Variants in MTOR observed in about 807,000 individuals in gnomAD.
MTOR encodes the protein mechanistic target of rapamycin kinase.
A neutral mutation model predicts 319.8 loss-of-function variants in MTOR; 70 were observed. The observed-to-expected ratio is 0.22, with a 90% confidence interval of 0.18 to 0.27. MTOR has a LOEUF of 0.27. Among genes scored for constraint, MTOR ranks in the 10% least tolerant of loss-of-function variants. The probability of loss-of-function intolerance (pLI) is 1.00; values close to 1 mark genes in which losing one functional copy is unlikely to be tolerated. For missense variants in MTOR, 1,890 were observed against 3,274.4 expected, an observed-to-expected ratio of 0.58 and a Z score of 10.32; for synonymous variants, 1,183 against 1,211.4, an observed-to-expected ratio of 0.98 and a Z score of 0.49.
chr1:11,140,359 C>A (rs111320347), intron 34 of MTOR, among the ~76,000 whole-genome samples: 8,900 of 151,990 alleles, frequency 0.059, 371 homozygotes, highest in South Asian at 0.12. Flanking sequence ...GCATTAGATT[C>A]TCATAAGGAG....
chr1:11,257,165 G>C lies in MTOR; in HGVS notation c.272C>G (p.Ala91Gly). ...CCCACCTTCCACTCCTATGAGGCTA[G>C]CTGCAAAAGAGAGGAAGGCAAAAGG... ...NERKGGILAIASLIGVEGGNA... is the reference protein window; with the variant it reads ...NERKGGILAIGSLIGVEGGNA... The change falls in exon 4 of 58, where the codon GCT becomes GGT. Residue 91 changes from alanine (A) to glycine (G), a missense_variant and splice_region_variant. Around this residue, in one of 15 missense-constraint regions of MTOR, gnomAD observed 81 missense variants for 203.6 expected, o/e 0.40. Coordinates refer to ENST00000361445, the MANE Select transcript of MTOR (RefSeq NM_004958.4). 1 of 1,611,070 alleles carries C rather than the reference G, an allele frequency of 6.2e-7. No individual in the cohort carries two copies. The highest frequency in any genetic ancestry group is 1.1e-5 in the South Asian group (1 of 90,522).
In MTOR at chr1:11,109,221, A is replaced by G. The variant is rs2100285558; in HGVS notation, c.7528+69T>C. The G allele has an allele frequency of 7.0e-7, 1 of 1,438,788 alleles. No individual in the cohort carries two copies. Among genetic ancestry groups the G allele is most frequent in the Non-Finnish European group, 9.7e-7 (1 of 1,031,858 alleles). 89.1% of individuals were successfully genotyped at this position (1,438,788 alleles called of 1,614,324 possible). ...ACTAACACCACTGGACATGGGGCTG[A>G]CCACCACTCAGAGAGGAAAGTGTGC... On this transcript the variant is annotated intron_variant, in intron 56 of 57. Transcript: ENST00000361445. This position sits in a 1 kb window ranked among gnomAD's most constrained non-coding sequence, Gnocchi z 4.0.
chr1:11,110,880 G>C (rs749365373), intron 54 of MTOR, among the ~76,000 whole-genome samples: 24 of 152,104 alleles, frequency 1.6e-4, no homozygotes, highest in Non-Finnish European at 3.1e-4. Flanking sequence ...CCACCATCTG[G>C]TGCCAGCAGA....
At chr1:11,249,142 T>C (rs1417676602) in intron 6 of MTOR, among the ~76,000 whole-genome samples, 1 of 151,892 alleles carries the variant, frequency 6.6e-6, no homozygotes, top group Admixed American at 6.6e-5. Flanking sequence ...GAGAATTGCT[T>C]GAACCCAGGA....
At chr1:11,239,719 AC>A (rs899940026) in intron 11 of MTOR, among the ~76,000 whole-genome samples, 6 of 152,252 alleles carry the variant, frequency 3.9e-5, no homozygotes, top group Middle Eastern at 3.4e-3. Flanking sequence ...AACCTGGCCA[AC>A]ATGGTGAAAC....
rs750342062 is a variant in MTOR, at chr1:11,127,182, G to A, written c.6217-38C>T. ...GCAGGCACGTTTTCAAGTTATCAAA[G>A]TCTCAACCAACCCAGGAGGCAAAAT... On this transcript the variant is annotated intron_variant, in intron 44 of 57. Coordinates refer to ENST00000361445, the MANE Select transcript of MTOR (RefSeq NM_004958.4). This position sits in a 1 kb window ranked among gnomAD's most constrained non-coding sequence, Gnocchi z 5.5. 11 of 1,611,788 alleles carry A rather than the reference G, an allele frequency of 6.8e-6. No individual in the cohort carries two copies. Among genetic ancestry groups the A allele is most frequent in the Middle Eastern group, 1.9e-4 (1 of 5,200 alleles).
Position 11,115,619 on chromosome 1 carries a change from T to A in MTOR, c.7017-151A>T. On this transcript the variant is annotated intron_variant, in intron 50 of 57. Transcript: ENST00000361445. This position sits in a 1 kb window ranked among gnomAD's most constrained non-coding sequence, Gnocchi z 4.5. ...ACCTCCACTTCTGCAAGTCCAGTTT[T>A]ACTGGAACACACAGCACGCTCCCTT... is the stretch of plus-strand genomic sequence containing the variant. The A allele has an allele frequency of 1.5e-6, 1 of 682,970 alleles. No homozygotes were observed. 42.3% of individuals were successfully genotyped at this position (682,970 alleles called of 1,614,324 possible). A position where few individuals can be genotyped will look rare whatever the true frequency, so the allele number is the denominator to read the frequency against.
At chr1:11,125,939 G>T (rs1642809113) in intron 46 of MTOR, among the ~76,000 whole-genome samples, 1 of 151,064 alleles carries the variant, frequency 6.6e-6, no homozygotes, top group South Asian at 2.1e-4. Context: ...TACGCGGGAG[G>T]CTGAGACAGG....
chr1:11,134,513 C>G (rs767119675), intron 36 of MTOR, 47 bp from the exon 37 acceptor site: 4 of 1,554,896 alleles, frequency 2.6e-6, no homozygotes, highest in Admixed American at 1.7e-5. Flanking sequence ...TGTGGCCCAG[C>G]TTCAGAGGAA....
chr1:11,147,237 C>T (rs1643961857), intron 31 of MTOR, among the ~76,000 whole-genome samples: 1 of 152,196 alleles, frequency 6.6e-6, no homozygotes, highest in Admixed American at 6.5e-5. Flanking sequence ...AGCCATTACA[C>T]AGATGATAGG....
At chr1:11,208,894 C>T (rs933509533) in intron 25 of MTOR, among the ~76,000 whole-genome samples, 1 of 152,136 alleles carries the variant, frequency 6.6e-6, no homozygotes. Context: ...AATCAGACTG[C>T]CAACAACAGA....
At chr1:11,210,774 GAC>G in intron 24 of MTOR, 38 bp downstream of exon 24, 1 of 1,422,936 alleles carries the variant, frequency 7.0e-7, no homozygotes. Flanking sequence ...AAGTAGTAAA[GAC>G]AACAGGGACT....
chr1:11,139,698 T>TA, intron 34 of MTOR, 40 bp from the exon 35 acceptor site: 1 of 1,612,522 alleles, frequency 6.2e-7, no homozygotes, highest in Non-Finnish European at 8.5e-7. Context: ...TGTCTTCTGA[T>TA]ACATTGTTTT....
intron 36 of MTOR, among the ~76,000 whole-genome samples, chr1:11,138,078 G>C (rs983331577): frequency 6.6e-6 from 1 of 152,160 alleles, no homozygotes; most frequent in African/African-American, 2.4e-5. Context: ...GGAGAAGTTG[G>C]GCTGGGGTCT....
In MTOR at chr1:11,258,524, A is replaced by G. The variant is rs1391848499; in HGVS notation, c.232T>C (p.Ser78Pro). 3 of 1,614,022 alleles carry G rather than the reference A, an allele frequency of 1.9e-6. No individual in the cohort carries two copies. The African/African-American group carries it at 4.0e-5, about 22-fold the overall frequency. ...CCACCTTTCCTCTCATTGGCATCTG[A>G]GCTGGAAACCAATTCAAAAATGTGA... ...NHHIFELVSS[S>P]DANERKGGIL... Residue 78 changes from serine (S) to proline (P), a missense_variant, in exon 3 of 58, where the codon TCA becomes CCA. Physicochemically the swap from Ser to Pro is moderately conservative, Grantham distance 74 (BLOSUM62 -1). Transcript: ENST00000361445.
intron 29 of MTOR, among the ~76,000 whole-genome samples, chr1:11,158,954 T>C (rs950949713): frequency 6.6e-6 from 1 of 152,194 alleles, no homozygotes; most frequent in Non-Finnish European, 1.5e-5. Context: ...AAGCAAACCA[T>C]TGTCAAGCTT....
chr1:11,124,542 G>A lies in MTOR; in HGVS notation c.6618C>T (p.Asn2206=), dbSNP rs749875752. The change falls in exon 47 of 58, where the codon AAC becomes AAT. Residue 2206 remains asparagine (N), a synonymous_variant. Coordinates refer to ENST00000361445, the MANE Select transcript of MTOR (RefSeq NM_004958.4). ...ERVMQLFGLV[N]TLLANDPTSL... ...ATGTTGGGTCATTGGCCAGAAGGGT[G>A]TTAACCAGGCCGAAGAGCTGCATCA... is the stretch of plus-strand genomic sequence containing the variant. 1.9e-6 allele frequency: 3 copies of A among 1,612,280 alleles called. No individual in the cohort carries two copies. Among genetic ancestry groups the A allele is most frequent in the South Asian group, 2.2e-5 (2 of 91,054 alleles).
At chr1:11,120,135 TGGCATG>T (rs1642435989) in intron 49 of MTOR, among the ~76,000 whole-genome samples, 1 of 151,776 alleles carries the variant, frequency 6.6e-6, no homozygotes, top group Non-Finnish European at 1.5e-5. Context: ...CGGAGTGCAG[TGGCATG>T]GTATGGCTCA....
At chr1:11,188,336 T>C (rs1354995553) in intron 28 of MTOR, among the ~76,000 whole-genome samples, 1 of 152,188 alleles carries the variant, frequency 6.6e-6, no homozygotes, top group African/African-American at 2.4e-5. Flanking sequence ...ATATAGTACA[T>C]GAAAAATTAC....
Sources: allele counts gnomAD v4.1 joint callset (sites outside exome capture counted in the v4.1 genomes callset), GRCh38; gene constraint gnomAD v4.1.1; regional missense constraint gnomAD v4.1.1; non-coding constraint Gnocchi (gnomAD v3.1); transcripts MANE v1.5; gene names NCBI Gene and HGNC (gene_info 2026-07-23, HGNC 2026-07-21).